The following TENM4 variants were observed in gnomAD, a reference collection of about 807,000 sequenced individuals.
TENM4 encodes the protein teneurin-4.
In TENM4, 82 loss-of-function variants were observed where a neutral mutation model predicts 243.3. That is an observed-to-expected ratio of 0.34 (90% CI 0.28 to 0.40). The LOEUF (loss-of-function observed/expected upper bound fraction) is 0.40, where lower values mean the gene tolerates loss of function less well. Among genes scored for constraint, TENM4 ranks in the 10% least tolerant of loss-of-function variants. TENM4 has a pLI of 1.00. For missense variants in TENM4, 3,138 were observed against 3,673.3 expected, an observed-to-expected ratio of 0.85 and a Z score of 3.77; for synonymous variants, 1,412 against 1,456.3, an observed-to-expected ratio of 0.97 and a Z score of 0.69.
At chr11:78,898,728 T>C (rs964509469) in intron 7 of TENM4, among the ~76,000 whole-genome samples, 3 of 152,278 alleles carry the variant, frequency 2.0e-5, no homozygotes, top group Middle Eastern at 3.4e-3. Context: ...AGCTACCATG[T>C]TGTGGGAAGC....
chr11:79,088,784 C>A (rs1369323715), intron 4 of TENM4, among the ~76,000 whole-genome samples: 2 of 152,168 alleles, frequency 1.3e-5, no homozygotes, highest in African/African-American at 2.4e-5. Flanking sequence ...CATCACTGAA[C>A]AAATATGTAC....
At position 79,068,886 on chromosome 11, in the gene TENM4, G is replaced by A. The variant is rs115957422; in HGVS notation, c.223+836C>T. 3.1e-3 allele frequency among the ~76,000 whole-genome samples: 471 copies of A among 152,288 alleles called. 3 individuals carry two copies. The highest frequency in any genetic ancestry group is 0.01 in the African/African-American group (430 of 41,542). On this transcript the variant is annotated intron_variant, in intron 5 of 33. Coordinates refer to ENST00000278550, the MANE Select transcript of TENM4 (RefSeq NM_001098816.3). Reference sequence around the variant, plus strand: ...AGTCTAGAAAAACAGAAACAGATTTGGGGAAAGAGTTCTATGCTAGGGGGA... The same window carrying A: ...AGTCTAGAAAAACAGAAACAGATTTAGGGAAAGAGTTCTATGCTAGGGGGA...
At chr11:78,745,475 C>T (rs1350920180) in intron 19 of TENM4, among the ~76,000 whole-genome samples, 1 of 151,938 alleles carries the variant, frequency 6.6e-6, no homozygotes, top group Non-Finnish European at 1.5e-5. Flanking sequence ...AGTGACCCAC[C>T]TGCCTTGGCC....
In TENM4 at chr11:78,669,712, T is replaced by C; in HGVS notation, c.6633A>G (p.Pro2211=). 1 of 1,613,790 alleles carries C rather than the reference T, an allele frequency of 6.2e-7. No individual in the cohort carries two copies. ...TGAGGTCGTAGCTGTAGCGCCAGAG[T>C]GGCTTGTCATTGATGGAGACTGTCT... ...QLQTVSINDK[P]LWRYSYDLNG... is the part of the protein sequence containing the mutation. The change falls in exon 32 of 34, where the codon CCA becomes CCG. Residue 2211 remains proline, a synonymous_variant. Transcript: ENST00000278550. The surrounding 1 kb of genome is among the most constrained non-coding windows in gnomAD (Gnocchi z 6.4).
intron 6 of TENM4, among the ~76,000 whole-genome samples, chr11:78,982,869 C>T (rs780710745): frequency 2.6e-5 from 4 of 152,206 alleles, no homozygotes; most frequent in Non-Finnish European, 5.9e-5. Context: ...AGTCTCTGAG[C>T]TCAGCCTTTT....
At chr11:78,777,348 A>C (rs1351563860) in intron 17 of TENM4, among the ~76,000 whole-genome samples, 1 of 152,208 alleles carries the variant, frequency 6.6e-6, no homozygotes, top group Non-Finnish European at 1.5e-5. Context: ...AAGCTGTCCT[A>C]GCTGAAAAGC....
At chr11:79,194,957 G>T (rs1166575533) in intron 3 of TENM4, among the ~76,000 whole-genome samples, 2 of 152,156 alleles carry the variant, frequency 1.3e-5, no homozygotes, top group Non-Finnish European at 2.9e-5. Context: ...TGTAGGCTGG[G>T]CCCAAGGTCC....
chr11:79,298,698 A>G (rs892737659), intron 1 of TENM4, among the ~76,000 whole-genome samples: 20 of 152,110 alleles, frequency 1.3e-4, no homozygotes, highest in Non-Finnish European at 1.5e-5. Flanking sequence ...TGATTTCATG[A>G]TCCTTATAAC....
intron 1 of TENM4, among the ~76,000 whole-genome samples, chr11:79,352,493 G>A (rs931087236): frequency 1.3e-5 from 2 of 152,236 alleles, no homozygotes; most frequent in Non-Finnish European, 2.9e-5. Context: ...CACTGCCTGG[G>A]TGACATCGTG....
intron 3 of TENM4, among the ~76,000 whole-genome samples, chr11:79,152,045 T>A (rs1862521288): frequency 6.6e-6 from 1 of 152,066 alleles, no homozygotes; most frequent in Admixed American, 6.5e-5. Context: ...CACCAAGCAG[T>A]GTATTATGCA....
intron 6 of TENM4, among the ~76,000 whole-genome samples, chr11:78,934,553 T>C (rs1411613078): frequency 6.6e-6 from 1 of 152,202 alleles, no homozygotes; most frequent in Non-Finnish European, 1.5e-5. Context: ...TCTGAGTCTA[T>C]GAAATCCACA....
chr11:78,803,035 CTT>C (rs1203400554), intron 15 of TENM4, among the ~76,000 whole-genome samples: 12 of 143,982 alleles, frequency 8.3e-5, no homozygotes, highest in Non-Finnish European at 4.6e-5. Context: ...TTTTTCTTTT[CTT>C]TTTTTTTTTT....
At chr11:78,983,330 A>G (rs1025307857) in intron 6 of TENM4, among the ~76,000 whole-genome samples, 3 of 152,204 alleles carry the variant, frequency 2.0e-5, no homozygotes, top group African/African-American at 7.2e-5. Context: ...TGCCCACTCT[A>G]TGTCAAACAC....
chr11:79,018,789 AC>A (rs1330943623), intron 6 of TENM4, among the ~76,000 whole-genome samples: 1 of 152,242 alleles, frequency 6.6e-6, no homozygotes, highest in Non-Finnish European at 1.5e-5. Context: ...TTATTCACTG[AC>A]ATTTTTTTAG....
chr11:78,969,484 C>A (rs1857498768), intron 6 of TENM4, among the ~76,000 whole-genome samples: 1 of 152,150 alleles, frequency 6.6e-6, no homozygotes, highest in African/African-American at 2.4e-5. Flanking sequence ...TTGGAATATA[C>A]CACGAGACTA....
chr11:79,133,795 A>T (rs1207775096), intron 4 of TENM4, among the ~76,000 whole-genome samples: 3 of 152,220 alleles, frequency 2.0e-5, no homozygotes, highest in Non-Finnish European at 2.9e-5. Context: ...AAAATTCAGC[A>T]TCCCTTTATG....
At chr11:78,907,244 CT>C (rs529102939) in intron 6 of TENM4, among the ~76,000 whole-genome samples, 11,582 of 133,656 alleles carry the variant, frequency 0.087, 1,008 homozygotes, top group African/African-American at 0.25. Flanking sequence ...GAATGGACTC[CT>C]TTTTTTTTTT....
chr11:79,221,346 G>GC (rs1864150246), intron 2 of TENM4, among the ~76,000 whole-genome samples: 1 of 59,952 alleles, frequency 1.7e-5, no homozygotes, highest in Non-Finnish European at 6.3e-5. Context: ...TTAGAATATG[G>GC]ATTTTTTTTA....
At chr11:78,739,170 G>A (rs1159036532) in intron 19 of TENM4, among the ~76,000 whole-genome samples, 1 of 152,102 alleles carries the variant, frequency 6.6e-6, no homozygotes, top group Non-Finnish European at 1.5e-5. Context: ...TTTGGAACCT[G>A]ACACCTCTCC....
Sources: gnomAD v4.1 joint callset for allele counts (sites outside exome capture counted in the v4.1 genomes callset) on GRCh38, gnomAD v4.1.1 for gene constraint, Gnocchi (gnomAD v3.1) non-coding constraint, MANE v1.5 for transcripts, NCBI Gene and HGNC (gene_info 2026-07-23, HGNC 2026-07-21) for gene names.